ARHGEF11: variants seen among roughly 807,000 people sequenced by gnomAD.
The protein encoded by ARHGEF11 is Rho guanine nucleotide exchange factor 11, also known as Rho guanine exchange factor (GEF) 11.
A neutral mutation model predicts 193.7 loss-of-function variants in ARHGEF11; 55 were observed. The ratio of observed to expected loss-of-function variants is 0.28; its 90% CI spans 0.23 to 0.36. ARHGEF11 has a LOEUF of 0.36. ARHGEF11 is among the 10% of genes least tolerant of loss of function. The pLI is 1.00. For synonymous variants in ARHGEF11, 693 were observed against 768.0 expected, an observed-to-expected ratio of 0.90 and a Z score of 1.62; for missense variants, 1,723 against 2,005.6, an observed-to-expected ratio of 0.86 and a Z score of 2.69.
chr1:157,006,626 T>G (rs538253319), intron 1 of ARHGEF11, among the ~76,000 whole-genome samples: 7 of 152,338 alleles, frequency 4.6e-5, no homozygotes, highest in African/African-American at 1.4e-4. Flanking sequence ...TGGGGCTCAA[T>G]ACTTTGGTTC....
intron 1 of ARHGEF11, among the ~76,000 whole-genome samples, chr1:157,002,594 C>G (rs1190797207): frequency 6.6e-6 from 1 of 152,084 alleles, no homozygotes; most frequent in East Asian, 1.9e-4. Context: ...CACTTGTTAT[C>G]AAATCATTTC....
At chr1:156,940,478 G>C in intron 35 of ARHGEF11, 53 bp from the exon 36 acceptor site, 1 of 1,523,968 alleles carries the variant, frequency 6.6e-7, no homozygotes, top group Non-Finnish European at 8.9e-7. Context: ...GGGCACGTAT[G>C]GGAGAGCCTA....
At chr1:157,004,751 T>C (rs1667618918) in intron 1 of ARHGEF11, among the ~76,000 whole-genome samples, 1 of 152,166 alleles carries the variant, frequency 6.6e-6, no homozygotes, top group South Asian at 2.1e-4. Context: ...AGAAACATTC[T>C]TGGGGCCCCT....
At position 156,995,596 on chromosome 1, in the gene ARHGEF11, C is replaced by T. The variant is rs113206359; in HGVS notation, c.33-9423G>A. Among the ~76,000 whole-genome samples, 417 of 150,826 alleles carry T rather than the reference C, an allele frequency of 2.8e-3. 1 individual carries two copies. The highest frequency in any genetic ancestry group is 9.8e-3 in the African/African-American group (401 of 41,010). On this transcript the variant is annotated intron_variant, in intron 1 of 40. Coordinates refer to ENST00000368194, the MANE Select transcript of ARHGEF11 (RefSeq NM_198236.3). ...TTTGAGACAGGGTCTCACTCTGTTG[C>T]CCAGGCTGGAGTGCAGTGATGCAAT...
chr1:156,937,004 T>TCCTGGAGCTCTTCCC lies in ARHGEF11; in HGVS notation c.4441_4442insGGGAAGAGCTCCAGG (p.Lys1480_Asp1481insGlyGluGluLeuGln). Reference sequence around the variant, plus strand: ...CAGCTCTCTGTGGGCCAGCTCCATATCCTGGAAGAGTCGGCGGGGGAATGT... The same window carrying TCCTGGAGCTCTTCCC: ...CAGCTCTCTGTGGGCCAGCTCCATATCCTGGAGCTCTTCCCCCTGGAAGAGTCGGCGGGGGAATGT... On this transcript the variant is annotated inframe_insertion and splice_region_variant, in exon 40 of 41. Coordinates refer to ENST00000368194, the MANE Select transcript of ARHGEF11 (RefSeq NM_198236.3). 1 of 1,611,728 alleles carries TCCTGGAGCTCTTCCC rather than the reference T, an allele frequency of 6.2e-7. No individual in the cohort carries two copies. Among genetic ancestry groups the TCCTGGAGCTCTTCCC allele is most frequent in the Non-Finnish European group, 8.5e-7 (1 of 1,178,134 alleles).
chr1:157,009,788 T>A (rs1383817892), intron 1 of ARHGEF11, among the ~76,000 whole-genome samples: 2 of 152,216 alleles, frequency 1.3e-5, no homozygotes. Context: ...CACTAAGATA[T>A]CCAGGACCTG....
At chr1:156,971,636 C>A in intron 8 of ARHGEF11, 61 bp downstream of exon 8, 1 of 1,553,680 alleles carries the variant, frequency 6.4e-7, no homozygotes, top group South Asian at 1.2e-5. Flanking sequence ...TGCTTTTTCC[C>A]TCACTCTACC....
intron 1 of ARHGEF11, among the ~76,000 whole-genome samples, chr1:156,989,266 T>C (rs183767391): frequency 6.6e-6 from 1 of 152,270 alleles, no homozygotes; most frequent in East Asian, 1.9e-4. Flanking sequence ...AGGTTCTTTA[T>C]AATCGTTTCC....
intron 1 of ARHGEF11, among the ~76,000 whole-genome samples, chr1:157,042,858 G>C (rs1386110321): frequency 6.6e-6 from 1 of 152,188 alleles, no homozygotes; most frequent in Non-Finnish European, 1.5e-5. Context: ...AACTCCAAGA[G>C]GATGAAAAGG....
In ARHGEF11 at chr1:157,013,299, A is replaced by ACACACACACACACACC. The variant is rs534893600; in HGVS notation, c.33-27127_33-27126insGGTGTGTGTGTGTGTG. ...CACACACACACACACACACACACAC[A>ACACACACACACACACC]CCAAGAACCTTCTCCGGTGGGTGGG... On this transcript the variant is annotated intron_variant, in intron 1 of 40. Coordinates refer to ENST00000368194, the MANE Select transcript of ARHGEF11 (RefSeq NM_198236.3). Among the ~76,000 whole-genome samples the ACACACACACACACACC allele has an allele frequency of 6.3e-3, 929 of 148,634 alleles. 12 individuals carry two copies. The highest frequency in any genetic ancestry group is 8.6e-3 in the Non-Finnish European group (575 of 67,064).
chr1:157,036,551 A>T (rs905746100), intron 1 of ARHGEF11, among the ~76,000 whole-genome samples: 1 of 151,822 alleles, frequency 6.6e-6, no homozygotes, highest in Non-Finnish European at 1.5e-5. Context: ...CAAACGCCTC[A>T]CCTCAGGTAA....
chr1:156,963,596 T>C lies in ARHGEF11; in HGVS notation c.964-2A>G. 1 of 1,613,572 alleles carries C rather than the reference T, an allele frequency of 6.2e-7. No individual in the cohort carries two copies. Among genetic ancestry groups the C allele is most frequent in the Non-Finnish European group, 8.5e-7 (1 of 1,179,832 alleles). On this transcript the variant is annotated splice_acceptor_variant, in intron 11 of 40. Transcript: ENST00000368194. LOFTEE classifies it high-confidence loss of function. ...AGGCTTTGGGCTTTGATCTACACCC[T>C]GGGGGAGAGAGTCAAATTGCAGAGA...
At chr1:157,042,330 T>A (rs1672857144) in intron 1 of ARHGEF11, among the ~76,000 whole-genome samples, 1 of 152,158 alleles carries the variant, frequency 6.6e-6, no homozygotes, top group Admixed American at 6.5e-5. Flanking sequence ...TGACGGGCAC[T>A]TTACCCTACT....
chr1:156,962,289 TC>T (rs1167742133), intron 13 of ARHGEF11, among the ~76,000 whole-genome samples: 2 of 152,166 alleles, frequency 1.3e-5, no homozygotes, highest in Admixed American at 6.5e-5. Context: ...TCTGATGGTA[TC>T]CCCAGAAAGA....
intron 35 of ARHGEF11, 91 bp downstream of exon 35, chr1:156,941,281 G>T: frequency 8.2e-7 from 1 of 1,221,784 alleles, no homozygotes. Context: ...GGGCCCTGAT[G>T]GACTCTCCCA....
At chr1:156,998,505 A>AGGT (rs1287850352) in intron 1 of ARHGEF11, among the ~76,000 whole-genome samples, 3 of 152,206 alleles carry the variant, frequency 2.0e-5, no homozygotes, top group Non-Finnish European at 4.4e-5. Context: ...CAGTTTTCTC[A>AGGT]TCTACAAAAT....
At chr1:157,026,480 G>A (rs1384576350) in intron 1 of ARHGEF11, among the ~76,000 whole-genome samples, 1 of 152,186 alleles carries the variant, frequency 6.6e-6, no homozygotes, top group Non-Finnish European at 1.5e-5. Flanking sequence ...CTGAGTCCCA[G>A]ATCACCCAGA....
chr1:156,950,415 T>C lies in ARHGEF11; in HGVS notation c.1925+1158A>G, dbSNP rs186241576. Among the ~76,000 whole-genome samples the C allele has an allele frequency of 7.3e-4, 111 of 152,200 alleles. 1 individual carries two copies. Among genetic ancestry groups the C allele is most frequent in the Middle Eastern group, 6.8e-3 (2 of 294 alleles). On this transcript the variant is annotated intron_variant, in intron 22 of 40. Transcript: ENST00000368194. ...ACTTTGGGAGGCTGAGGCAGGAAGA[T>C]TGCTGTGGTTGGGAGTTCGAGACCA...
chr1:157,027,047 T>C (rs1269820684), intron 1 of ARHGEF11, among the ~76,000 whole-genome samples: 1 of 152,236 alleles, frequency 6.6e-6, no homozygotes, highest in Admixed American at 6.5e-5. Flanking sequence ...TGGAGATTTT[T>C]AGTAAACTCT....
Sources: allele counts gnomAD v4.1 joint callset (sites outside exome capture counted in the v4.1 genomes callset), GRCh38; gene constraint gnomAD v4.1.1; transcripts MANE v1.5; gene names NCBI Gene and HGNC (gene_info 2026-07-23, HGNC 2026-07-21).